The following PDE11A variants were observed in gnomAD, a reference collection of about 807,000 sequenced individuals.
PDE11A encodes dual 3',5'-cyclic-AMP and -GMP phosphodiesterase 11A.
PDE11A carries 100 observed loss-of-function variants against 100.5 expected under a neutral mutation model. That is an observed-to-expected ratio of 1.00 (90% CI 0.85 to 1.18). The LOEUF is 1.18. Ranked by LOEUF, PDE11A falls within the 50% of genes most tolerant of loss-of-function variation. The pLI is 0.00. For missense variants in PDE11A, 1,141 were observed against 1,152.6 expected (o/e 0.99, Z 0.15); for synonymous variants, 381 against 420.8 (o/e 0.91, Z 1.16).
chr2:178,099,764 T>C (rs114011659), intron 2 of PDE11A, among the ~76,000 whole-genome samples: 3,272 of 152,252 alleles, frequency 0.021, 84 homozygotes, highest in African/African-American at 0.064. Flanking sequence ...CTTCTGGGTA[T>C]ATACCCAAAA....
intron 3 of PDE11A, among the ~76,000 whole-genome samples, chr2:177,900,476 C>G (rs1287403919): frequency 2.0e-5 from 3 of 152,198 alleles, no homozygotes; most frequent in African/African-American, 7.2e-5. Context: ...ATTTGAGTAG[C>G]TGGGTGTGGT....
chr2:177,771,801 A>G lies in PDE11A; in HGVS notation c.1738-2428T>C, dbSNP rs748573956. Among the ~76,000 whole-genome samples the G allele has an allele frequency of 1.5e-3, 222 of 152,156 alleles. 1 individual carries two copies. Among genetic ancestry groups the G allele is most frequent in the Middle Eastern group, 3.4e-3 (1 of 294 alleles). On this transcript the variant is annotated intron_variant, in intron 9 of 19. Coordinates refer to ENST00000286063, the MANE Select transcript of PDE11A (RefSeq NM_016953.4). ...GCAGATCACCTGAGGTGAGGAGTTC[A>G]ATACCAGCCTGGCCAACATGATGAA...
chr2:177,834,622 G>A (rs2083363796), intron 6 of PDE11A, among the ~76,000 whole-genome samples: 1 of 152,168 alleles, frequency 6.6e-6, no homozygotes, highest in Non-Finnish European at 1.5e-5. Flanking sequence ...CACCCACGCA[G>A]TCTTCCCTTC....
intron 6 of PDE11A, among the ~76,000 whole-genome samples, chr2:177,833,018 T>C (rs990967786): frequency 6.6e-6 from 1 of 152,162 alleles, no homozygotes; most frequent in Admixed American, 6.5e-5. Context: ...AAAGCTTTTT[T>C]TAAAAAAACT....
intron 4 of PDE11A, among the ~76,000 whole-genome samples, chr2:177,889,804 A>C (rs1294334577): frequency 3.3e-5 from 5 of 151,794 alleles, no homozygotes; most frequent in African/African-American, 1.2e-4. Context: ...TTTCTTGAAC[A>C]ACTTTATTTT....
At chr2:177,669,004 C>T (rs575599103) in intron 18 of PDE11A, among the ~76,000 whole-genome samples, 3 of 152,260 alleles carry the variant, frequency 2.0e-5, no homozygotes, top group Non-Finnish European at 1.5e-5. Flanking sequence ...ATATAAATAG[C>T]GTTCAAATCA....
At chr2:177,742,816 A>C (rs1483814360) in intron 10 of PDE11A, among the ~76,000 whole-genome samples, 2 of 152,230 alleles carry the variant, frequency 1.3e-5, no homozygotes, top group African/African-American at 4.8e-5. Flanking sequence ...TTGAGGTCTG[A>C]AGAAAAGCTC....
chr2:177,741,842 G>T (rs1026559648), intron 10 of PDE11A, among the ~76,000 whole-genome samples: 1 of 152,110 alleles, frequency 6.6e-6, no homozygotes, highest in African/African-American at 2.4e-5. Flanking sequence ...CCAGGAGTTG[G>T]AGATGAGCCT....
At chr2:178,101,259 G>C (rs562526408) in intron 2 of PDE11A, among the ~76,000 whole-genome samples, 2 of 152,302 alleles carry the variant, frequency 1.3e-5, no homozygotes, top group South Asian at 4.1e-4. Context: ...TACAATTATA[G>C]TTGTATTATA....
chr2:178,042,627 G>A (rs892999376), intron 1 of PDE11A, among the ~76,000 whole-genome samples: 2 of 152,084 alleles, frequency 1.3e-5, no homozygotes, highest in African/African-American at 4.8e-5. Flanking sequence ...GTGGCAAATT[G>A]AAAGATATTA....
At chr2:177,843,356 T>C (rs1471827174) in intron 5 of PDE11A, among the ~76,000 whole-genome samples, 1 of 152,108 alleles carries the variant, frequency 6.6e-6, no homozygotes, top group Non-Finnish European at 1.5e-5. Flanking sequence ...GGTTGTCACC[T>C]AAGAACAAAT....
At chr2:177,831,402 A>G (rs1056731521) in intron 6 of PDE11A, among the ~76,000 whole-genome samples, 3 of 152,264 alleles carry the variant, frequency 2.0e-5, no homozygotes, top group South Asian at 2.1e-4. Context: ...CCTGAATTTT[A>G]TCAAGATAGG....
At chr2:177,701,448 T>A (rs1284817060) in intron 13 of PDE11A, among the ~76,000 whole-genome samples, 2 of 152,078 alleles carry the variant, frequency 1.3e-5, no homozygotes, top group Non-Finnish European at 2.9e-5. Flanking sequence ...GCAAATGATA[T>A]TTGATGAATT....
intron 2 of PDE11A, among the ~76,000 whole-genome samples, chr2:177,922,135 C>A (rs1287201267): frequency 6.6e-6 from 1 of 152,144 alleles, no homozygotes; most frequent in South Asian, 2.1e-4. Context: ...ACTCTCCTCT[C>A]TTTCTAAAAA....
At chr2:177,873,469 C>T (rs1574239235) in intron 5 of PDE11A, among the ~76,000 whole-genome samples, 1 of 152,168 alleles carries the variant, frequency 6.6e-6, no homozygotes, top group Admixed American at 6.6e-5. Flanking sequence ...AATATAAATA[C>T]ATTTTTATGA....
At chr2:177,642,836 A>G (rs1036591134) in intron 19 of PDE11A, among the ~76,000 whole-genome samples, 3 of 152,140 alleles carry the variant, frequency 2.0e-5, no homozygotes, top group Non-Finnish European at 2.9e-5. Context: ...ACCCAGTGGG[A>G]GGCAATTAAA....
At chr2:177,986,174 T>C (rs2085936990) in intron 2 of PDE11A, among the ~76,000 whole-genome samples, 1 of 152,152 alleles carries the variant, frequency 6.6e-6, no homozygotes, top group Admixed American at 6.5e-5. Context: ...ACACCTGTTA[T>C]CATCTTCCAC....
intron 10 of PDE11A, among the ~76,000 whole-genome samples, chr2:177,763,774 G>C (rs1352284140): frequency 6.6e-6 from 1 of 152,188 alleles, no homozygotes; most frequent in Non-Finnish European, 1.5e-5. Flanking sequence ...CAAGAATTGG[G>C]CTCTTCCAGG....
intron 10 of PDE11A, among the ~76,000 whole-genome samples, chr2:177,746,881 TTGAC>T (rs2081956366): frequency 6.6e-6 from 1 of 152,176 alleles, no homozygotes; most frequent in Admixed American, 6.5e-5. Context: ...TAATAAAAGA[TTGAC>T]TGGGATTATC....
Sources: gnomAD v4.1 joint callset for allele counts (sites outside exome capture counted in the v4.1 genomes callset) on GRCh38, gnomAD v4.1.1 for gene constraint, MANE v1.5 for transcripts, NCBI Gene and HGNC (gene_info 2026-07-23, HGNC 2026-07-21) for gene names.